The following FYN variants were observed in gnomAD, a reference collection of about 807,000 sequenced individuals.
The protein encoded by FYN is tyrosine-protein kinase Fyn.
In FYN, 10 loss-of-function variants were observed where a neutral mutation model predicts 70.2. That is an observed-to-expected ratio of 0.14 (90% CI 0.09 to 0.24). FYN has a LOEUF of 0.24. Among genes scored for constraint, FYN ranks in the 10% least tolerant of loss-of-function variants. The pLI, the probability that FYN is intolerant of heterozygous loss-of-function variation, is 1.00. For synonymous variants in FYN, 236 were observed against 248.6 expected, an observed-to-expected ratio of 0.95 and a Z score of 0.48; for missense variants, 319 against 673.1, an observed-to-expected ratio of 0.47 and a Z score of 5.82.
intron 2 of FYN, chr6:111,845,061 G>T: frequency 6.6e-6 from 1 of 152,504 alleles, no homozygotes. Context: ...ACTGAGCCCT[G>T]CTGTTTGCCC....
chr6:111,723,474 T>C (rs763951506), intron 3 of FYN, among the ~76,000 whole-genome samples: 1 of 152,252 alleles, frequency 6.6e-6, no homozygotes, highest in Non-Finnish European at 1.5e-5. Context: ...AGTTAAGTAA[T>C]GTTTCTATAC....
intron 13 of FYN, among the ~76,000 whole-genome samples, chr6:111,666,024 C>CA (rs1217012808): frequency 1.0e-4 from 10 of 95,668 alleles, no homozygotes; most frequent in African/African-American, 4.2e-4. Flanking sequence ...TTTTTTGAGA[C>CA]AGAGTCTCGC....
chr6:111,859,922 G>A (rs901907210), intron 1 of FYN, among the ~76,000 whole-genome samples: 2 of 152,150 alleles, frequency 1.3e-5, no homozygotes, highest in Admixed American at 6.5e-5. Flanking sequence ...TAAATTCAGC[G>A]ACAAGTTTCC....
chr6:111,746,422 A>C (rs1257803429), intron 3 of FYN, among the ~76,000 whole-genome samples: 1 of 152,208 alleles, frequency 6.6e-6, no homozygotes, highest in Non-Finnish European at 1.5e-5. Flanking sequence ...GTAATCATAC[A>C]GTATGTATTC....
intron 3 of FYN, among the ~76,000 whole-genome samples, chr6:111,775,547 A>T (rs1247775414): frequency 6.6e-6 from 1 of 152,198 alleles, no homozygotes; most frequent in African/African-American, 2.4e-5. Context: ...TTCTTTAAAT[A>T]TGTAAGTGAC....
At chr6:111,681,336 T>C (rs1449062131) in intron 12 of FYN, among the ~76,000 whole-genome samples, 1 of 152,126 alleles carries the variant, frequency 6.6e-6, no homozygotes, top group Non-Finnish European at 1.5e-5. Context: ...TTTAATTTTA[T>C]GTTTTGTAGA....
At chr6:111,802,233 TCCTCTCCCACTTCCC>T (rs1374520205) in intron 2 of FYN, among the ~76,000 whole-genome samples, 284 of 151,828 alleles carry the variant, frequency 1.9e-3, no homozygotes, top group African/African-American at 6.3e-3. Flanking sequence ...CCTCCCCCTC[TCCTCTCCCACTTCCC>T]CCTCTCCTCT....
intron 3 of FYN, among the ~76,000 whole-genome samples, chr6:111,763,140 C>CCTT (rs1305491117): frequency 2.0e-5 from 3 of 152,220 alleles, no homozygotes; most frequent in African/African-American, 7.2e-5. Flanking sequence ...GTCACCCCCT[C>CCTT]CTTCACCTCC....
intron 1 of FYN, among the ~76,000 whole-genome samples, chr6:111,863,235 AC>A (rs2114524913): frequency 6.6e-6 from 1 of 152,352 alleles, no homozygotes; most frequent in Admixed American, 6.5e-5. Context: ...TCAAACTCAG[AC>A]AGCAACTAGA....
intron 3 of FYN, among the ~76,000 whole-genome samples, chr6:111,769,516 G>T (rs771891922): frequency 4.6e-5 from 7 of 152,138 alleles, no homozygotes; most frequent in African/African-American, 7.2e-5. Flanking sequence ...ATATTTCATT[G>T]TGAGTAATAC....
chr6:111,854,094 C>T (rs1368384926), intron 1 of FYN, among the ~76,000 whole-genome samples: 1 of 152,230 alleles, frequency 6.6e-6, no homozygotes, highest in African/African-American at 2.4e-5. Flanking sequence ...AGATGTTTCA[C>T]TTCATAAACC....
intron 2 of FYN, among the ~76,000 whole-genome samples, chr6:111,801,717 G>C (rs895775562): frequency 6.6e-6 from 1 of 152,176 alleles, no homozygotes; most frequent in African/African-American, 2.4e-5. Context: ...CAGTGCCTGG[G>C]TTGTGCACTG....
intron 1 of FYN, among the ~76,000 whole-genome samples, chr6:111,851,074 G>A (rs1773672427): frequency 6.6e-6 from 1 of 152,180 alleles, no homozygotes; most frequent in Non-Finnish European, 1.5e-5. Flanking sequence ...ACAGTGATAT[G>A]TGCACGTTCA....
chr6:111,675,066 T>C (rs1798472790), intron 12 of FYN, among the ~76,000 whole-genome samples: 1 of 152,136 alleles, frequency 6.6e-6, no homozygotes. Flanking sequence ...AACTGGATAC[T>C]GCCCATGTGT....
intron 13 of FYN, among the ~76,000 whole-genome samples, chr6:111,673,633 T>G (rs1009263674): frequency 6.7e-6 from 1 of 148,764 alleles, no homozygotes; most frequent in African/African-American, 2.5e-5. Flanking sequence ...TTTTTTTTTT[T>G]TTTTTTTTCT....
At chr6:111,791,230 T>C (rs1388353940) in intron 2 of FYN, among the ~76,000 whole-genome samples, 1 of 152,020 alleles carries the variant, frequency 6.6e-6, no homozygotes, top group Non-Finnish European at 1.5e-5. Context: ...TAAAATAGAA[T>C]GTCCAAAAAT....
At chr6:111,708,073 T>TA in intron 5 of FYN, 53 bp from the exon 6 acceptor site, 1 of 1,348,724 alleles carries the variant, frequency 7.4e-7, no homozygotes, top group East Asian at 2.3e-5. Flanking sequence ...AGCTTGCAGT[T>TA]AGAGACTCAC....
intron 2 of FYN, among the ~76,000 whole-genome samples, chr6:111,840,648 T>A (rs368213215): frequency 6.6e-6 from 1 of 152,196 alleles, no homozygotes; most frequent in South Asian, 2.1e-4. Context: ...GGGCTAAAAG[T>A]GGGCAGTAAT....
intron 4 of FYN, 117 bp downstream of exon 4, chr6:111,719,688 G>T: frequency 8.4e-7 from 1 of 1,184,310 alleles, no homozygotes; most frequent in Non-Finnish European, 1.2e-6. Context: ...AGACAGATTA[G>T]AAACTTACAT....
Sources: allele counts gnomAD v4.1 joint callset (sites outside exome capture counted in the v4.1 genomes callset), GRCh38; gene constraint gnomAD v4.1.1; transcripts MANE v1.5; gene names NCBI Gene and HGNC (gene_info 2026-07-23, HGNC 2026-07-21).